Variants in RABGAP1L observed in about 807,000 individuals in gnomAD.
RABGAP1L encodes rab GTPase-activating protein 1-like.
Under a neutral mutation model 137.7 loss-of-function variants are expected in RABGAP1L, and 63 were observed. The ratio of observed to expected loss-of-function variants is 0.46; its 90% CI spans 0.37 to 0.56. RABGAP1L has a LOEUF of 0.56. RABGAP1L is among the 20% of genes least tolerant of loss of function. The pLI, the probability that RABGAP1L is intolerant of heterozygous loss-of-function variation, is 0.00. For synonymous variants in RABGAP1L, 431 were observed against 433.7 expected (o/e 0.99, Z 0.08); for missense variants, 1,095 against 1,244.0 (o/e 0.88, Z 1.80).
At chr1:174,758,183 C>T (rs765421045) in intron 18 of RABGAP1L, among the ~76,000 whole-genome samples, 3 of 152,110 alleles carry the variant, frequency 2.0e-5, no homozygotes, top group Non-Finnish European at 4.4e-5. Flanking sequence ...CACAACGCTT[C>T]CTTTTTTTTC....
chr1:174,544,034 C>T (rs1278822736), intron 13 of RABGAP1L, among the ~76,000 whole-genome samples: 2 of 152,132 alleles, frequency 1.3e-5, no homozygotes, highest in African/African-American at 2.4e-5. Context: ...AACATTTTTT[C>T]CTTTATTTCA....
chr1:174,360,852 AATTTATT>A (rs1316467005), intron 11 of RABGAP1L, among the ~76,000 whole-genome samples: 15 of 152,160 alleles, frequency 9.9e-5, no homozygotes, highest in African/African-American at 3.4e-4. Flanking sequence ...TTATTCATTT[AATTTATT>A]TTTTAAAAAT....
At chr1:174,364,416 G>A (rs1219267647) in intron 11 of RABGAP1L, among the ~76,000 whole-genome samples, 8 of 149,738 alleles carry the variant, frequency 5.3e-5, no homozygotes, top group African/African-American at 9.8e-5. Flanking sequence ...CACTACGCCC[G>A]GCTAATTTTT....
intron 6 of RABGAP1L, among the ~76,000 whole-genome samples, chr1:174,252,157 A>T (rs926180214): frequency 1.3e-4 from 20 of 152,192 alleles, no homozygotes; most frequent in African/African-American, 4.3e-4. Flanking sequence ...GGCCTCCCAA[A>T]GTGCTGGGAT....
At chr1:174,648,939 CT>C (rs1459753114) in intron 14 of RABGAP1L, among the ~76,000 whole-genome samples, 1 of 152,058 alleles carries the variant, frequency 6.6e-6, no homozygotes, top group Non-Finnish European at 1.5e-5. Flanking sequence ...GAATTGATCC[CT>C]TTACCATTAT....
At chr1:174,276,060 G>T in intron 9 of RABGAP1L, 125 bp downstream of exon 9, 4 of 641,350 alleles carry the variant, frequency 6.2e-6, no homozygotes, top group South Asian at 5.0e-5. Flanking sequence ...GAGAATTTGA[G>T]GTTCATTTTT....
At chr1:174,183,175 A>G (rs756929902) in intron 1 of RABGAP1L, among the ~76,000 whole-genome samples, 3 of 152,230 alleles carry the variant, frequency 2.0e-5, no homozygotes, top group Non-Finnish European at 4.4e-5. Context: ...CGAGAGTTGT[A>G]GATACAATTT....
At chr1:174,767,389 C>T (rs191440674) in intron 18 of RABGAP1L, among the ~76,000 whole-genome samples, 1 of 152,254 alleles carries the variant, frequency 6.6e-6, no homozygotes, top group Admixed American at 6.5e-5. Context: ...TGGTTTTTAG[C>T]ATACAAAAGT....
chr1:174,167,970 T>C (rs2148214007), intron 1 of RABGAP1L, among the ~76,000 whole-genome samples: 1 of 152,216 alleles, frequency 6.6e-6, no homozygotes, highest in Non-Finnish European at 1.5e-5. Context: ...CAATTTATCT[T>C]GCATACATTG....
intron 13 of RABGAP1L, among the ~76,000 whole-genome samples, chr1:174,621,748 C>T (rs1672494990): frequency 6.6e-6 from 1 of 152,126 alleles, no homozygotes; most frequent in Non-Finnish European, 1.5e-5. Flanking sequence ...ACCATAAAAA[C>T]CCTAGAAGAA....
intron 18 of RABGAP1L, among the ~76,000 whole-genome samples, chr1:174,790,641 G>A (rs1387236901): frequency 6.6e-6 from 1 of 151,076 alleles, no homozygotes; most frequent in Non-Finnish European, 1.5e-5. Context: ...AAAGAAAAGA[G>A]AAAGCCTCTG....
intron 19 of RABGAP1L, among the ~76,000 whole-genome samples, chr1:174,947,385 C>G (rs978105137): frequency 6.6e-6 from 1 of 151,078 alleles, no homozygotes; most frequent in Non-Finnish European, 1.5e-5. Flanking sequence ...CGTGAGCTAC[C>G]ATGCCCAGCC....
intron 14 of RABGAP1L, among the ~76,000 whole-genome samples, chr1:174,674,681 T>C (rs1400434827): frequency 3.0e-4 from 46 of 151,090 alleles, no homozygotes; most frequent in Non-Finnish European, 3.4e-4. Context: ...CCACAATGGT[T>C]GAACTAGTTT....
intron 13 of RABGAP1L, among the ~76,000 whole-genome samples, chr1:174,600,695 T>A (rs1157283508): frequency 2.0e-5 from 3 of 152,200 alleles, no homozygotes; most frequent in East Asian, 3.9e-4. Flanking sequence ...TGGGTTCCCA[T>A]CATCTTGGGT....
chr1:174,546,889 G>A (rs1039478501), intron 13 of RABGAP1L, among the ~76,000 whole-genome samples: 1 of 151,320 alleles, frequency 6.6e-6, no homozygotes, highest in Non-Finnish European at 1.5e-5. Context: ...AATTAGCCGG[G>A]CGTGGTGGCG....
intron 20 of RABGAP1L, among the ~76,000 whole-genome samples, chr1:174,967,633 C>T (rs975646034): frequency 2.6e-5 from 4 of 152,020 alleles, no homozygotes; most frequent in African/African-American, 9.6e-5. Context: ...GCCACTGTGC[C>T]CAGCTGTACC....
intron 19 of RABGAP1L, among the ~76,000 whole-genome samples, chr1:174,898,243 A>G (rs139006030): frequency 7.2e-5 from 11 of 152,340 alleles, no homozygotes; most frequent in South Asian, 4.1e-4. Context: ...GGCCTGTCTT[A>G]CAGGTGGTAA....
At chr1:174,508,975 CT>C (rs1358370512) in intron 13 of RABGAP1L, among the ~76,000 whole-genome samples, 2 of 152,100 alleles carry the variant, frequency 1.3e-5, no homozygotes, top group South Asian at 2.1e-4. Context: ...ATTATACCGT[CT>C]TTTAAAAACT....
At chr1:174,321,443 G>T (rs1453116792) in intron 11 of RABGAP1L, among the ~76,000 whole-genome samples, 1 of 152,068 alleles carries the variant, frequency 6.6e-6, no homozygotes, top group African/African-American at 2.4e-5. Context: ...GGCTTGGGGG[G>T]CATCATGGAA....
Sources: gnomAD v4.1 joint callset for allele counts (sites outside exome capture counted in the v4.1 genomes callset) on GRCh38, gnomAD v4.1.1 for gene constraint, MANE v1.5 for transcripts, NCBI Gene and HGNC (gene_info 2026-07-23, HGNC 2026-07-21) for gene names.